Variants in USP8 observed in about 807,000 individuals in gnomAD.
USP8 encodes the protein ubiquitin specific peptidase 8.
A neutral mutation model predicts 130.0 loss-of-function variants in USP8; 27 were observed. The observed-to-expected ratio is 0.21, with a 90% CI of 0.15 to 0.29. The LOEUF (loss-of-function observed/expected upper bound fraction) is 0.29, where lower values mean the gene tolerates loss of function less well. Ranked by LOEUF, USP8 falls within the 10% of genes least tolerant of loss-of-function variation. The pLI is 1.00. For missense variants in USP8, 1,029 were observed against 1,312.2 expected, an observed-to-expected ratio of 0.78 and a Z score of 3.33; for synonymous variants, 392 against 444.1, an observed-to-expected ratio of 0.88 and a Z score of 1.48.
At chr15:50,442,436 A>G (rs916916803) in intron 3 of USP8, among the ~76,000 whole-genome samples, 5 of 152,276 alleles carry the variant, frequency 3.3e-5, no homozygotes, top group East Asian at 1.9e-4. Context: ...ATGTATTTCA[A>G]TTGTATTAGA....
At chr15:50,461,887 A>G (rs1013228824) in intron 5 of USP8, among the ~76,000 whole-genome samples, 9 of 152,164 alleles carry the variant, frequency 5.9e-5, no homozygotes, top group Middle Eastern at 3.4e-3. Context: ...CATAAGCAAT[A>G]CTTTGTATTA....
At chr15:50,438,448 T>G (rs1390191667) in intron 1 of USP8, among the ~76,000 whole-genome samples, 2 of 152,170 alleles carry the variant, frequency 1.3e-5, no homozygotes, top group East Asian at 1.9e-4. Context: ...GCTGGGGGCA[T>G]GGTGGCGAAC....
chr15:50,508,395 C>T lies in USP8; in HGVS notation c.*9307C>T, dbSNP rs2052692713. On this transcript the variant is annotated 3_prime_UTR_variant, in exon 20 of 20. Transcript: ENST00000307179. ...TATTCAAATATCTTGCTTCAGCAAG[C>T]TAGTTGATGGATGCATGGCGGTTTG... The T allele has an allele frequency of 6.6e-6, 1 of 152,042 alleles. No individual in the cohort carries two copies. 9.4% of individuals were successfully genotyped at this position (152,042 alleles called of 1,614,324 possible).
chr15:50,434,275 G>C (rs1390877604), intron 1 of USP8, among the ~76,000 whole-genome samples: 4 of 151,636 alleles, frequency 2.6e-5, no homozygotes, highest in Non-Finnish European at 5.9e-5. Context: ...GCTAATTTTT[G>C]TATTTTTAGT....
intron 8 of USP8, among the ~76,000 whole-genome samples, chr15:50,476,206 G>A (rs1595959001): frequency 1.3e-5 from 2 of 152,136 alleles, no homozygotes; most frequent in South Asian, 4.1e-4. Flanking sequence ...GAGCCAGGTC[G>A]ATCACTTAAG....
intron 8 of USP8, among the ~76,000 whole-genome samples, chr15:50,472,834 C>G (rs1471063681): frequency 6.6e-6 from 1 of 152,010 alleles, no homozygotes; most frequent in Non-Finnish European, 1.5e-5. Flanking sequence ...CGATTGAACC[C>G]GGGAGGTGGA....
chr15:50,448,413 G>T (rs2050508725), intron 3 of USP8, among the ~76,000 whole-genome samples: 1 of 151,998 alleles, frequency 6.6e-6, no homozygotes, highest in Non-Finnish European at 1.5e-5. Context: ...TGTATCTAAT[G>T]ATTGACCTCT....
intron 7 of USP8, among the ~76,000 whole-genome samples, chr15:50,467,844 A>G (rs1208789583): frequency 6.6e-6 from 1 of 151,968 alleles, no homozygotes; most frequent in Non-Finnish European, 1.5e-5. Flanking sequence ...GATGTGAGCC[A>G]TTGCACCCGG....
intron 2 of USP8, among the ~76,000 whole-genome samples, chr15:50,439,916 C>T (rs1035833448): frequency 3.3e-5 from 5 of 151,792 alleles, no homozygotes; most frequent in South Asian, 4.1e-4. Flanking sequence ...GGTGAAACCC[C>T]GTCTCTACTA....
chr15:50,487,702 C>G lies in USP8; in HGVS notation c.1891-2099C>G, dbSNP rs115059532. Among the ~76,000 whole-genome samples the G allele has an allele frequency of 8.4e-3, 1,279 of 152,310 alleles. 22 individuals are homozygous for G. Among genetic ancestry groups the G allele is most frequent in the African/African-American group, 0.029 (1,213 of 41,564 alleles). On this transcript the variant is annotated intron_variant, in intron 12 of 19. Transcript: ENST00000307179. ...TAAATCTCATACTGTATGATCCACTCTACACTCATTCTGTGTAAAATGCCA... is the reference window on the plus strand; with the variant it reads ...TAAATCTCATACTGTATGATCCACTGTACACTCATTCTGTGTAAAATGCCA...
At chr15:50,494,026 T>A in intron 15 of USP8, 44 bp from the exon 16 acceptor site, 1 of 1,589,790 alleles carries the variant, frequency 6.3e-7, no homozygotes, top group Non-Finnish European at 8.6e-7. Context: ...GCTTAACTTT[T>A]AAATTTCCTT....
chr15:50,476,878 G>A lies in USP8; in HGVS notation c.879G>A (p.Glu293=). 6.3e-7 allele frequency: 1 copy of A among 1,595,734 alleles called. No individual in the cohort carries two copies. The highest frequency in any genetic ancestry group is 1.2e-5 in the South Asian group (1 of 86,458). ...KWESKTVLRN[E]PLVLEGGYEN... ...AAAGTAAAACTGTCCTGCGCAATGAGCCTTTGGTTTTAGAGGGAGGCTATG... is the reference window on the plus strand; with the variant it reads ...AAAGTAAAACTGTCCTGCGCAATGAACCTTTGGTTTTAGAGGGAGGCTATG... Residue 293 remains glutamate, a synonymous_variant, in exon 9 of 20, where the codon GAG becomes GAA. Coordinates refer to ENST00000307179, the MANE Select transcript of USP8 (RefSeq NM_005154.5).
At chr15:50,489,705 G>T (rs2052089217) in intron 12 of USP8, 96 bp from the exon 13 acceptor site, 1 of 795,176 alleles carries the variant, frequency 1.3e-6, no homozygotes. Context: ...TGATTCTTTG[G>T]TACAAGTAGC....
chr15:50,425,220 C>T (rs1028908014), intron 1 of USP8, among the ~76,000 whole-genome samples: 1 of 152,180 alleles, frequency 6.6e-6, no homozygotes, highest in Non-Finnish European at 1.5e-5. Context: ...GGAGGTGTTG[C>T]AGAGCCTAAG....
intron 14 of USP8, among the ~76,000 whole-genome samples, chr15:50,491,368 C>G (rs2052155778): frequency 6.6e-6 from 1 of 152,158 alleles, no homozygotes; most frequent in African/African-American, 2.4e-5. Flanking sequence ...CTGCCAGGTG[C>G]AGACTTATTC....
chr15:50,499,030 C>T lies in USP8; in HGVS notation c.3299C>T (p.Ala1100Val). The part of the protein sequence containing the change: ...DISVSSVKSS[A>V]AYILFYTSLG... The stretch of plus-strand genomic sequence containing the variant: ...TCCGTTTCTTCTGTGAAATCTTCAG[C>T]AGCTTATATCCTCTTTTATACTTCA... The change falls in exon 20 of 20, where the codon GCA becomes GTA. Residue 1100 changes from alanine to valine, a missense_variant. Around this residue, in one of 4 missense-constraint regions of USP8, gnomAD observed 257 missense variants for 429.8 expected, o/e 0.60. Transcript: ENST00000307179. The T allele has an allele frequency of 6.2e-7, 1 of 1,613,894 alleles. No homozygotes were observed. The highest frequency in any genetic ancestry group is 8.5e-7 in the Non-Finnish European group (1 of 1,179,876).
At position 50,481,519 on chromosome 15, in the gene USP8, A is replaced by G. The variant is rs2051766992; in HGVS notation, c.1257A>G (p.Glu419=). ...RTKKPAVKLP[E]EHRIKSESTN... ...AAAAACCAGCAGTCAAATTGCCTGA[A>G]GAGCATAGAATAAAATCTGAAAGTA... Residue 419 remains glutamate (E), a synonymous_variant, in exon 11 of 20, where the codon GAA becomes GAG. Coordinates refer to ENST00000307179, the MANE Select transcript of USP8 (RefSeq NM_005154.5). 4.4e-6 allele frequency: 7 copies of G among 1,604,310 alleles called. No homozygotes were observed. Among genetic ancestry groups the G allele is most frequent in the Non-Finnish European group, 5.9e-6 (7 of 1,177,368 alleles).
chr15:50,489,077 G>A (rs1161211687), intron 12 of USP8, among the ~76,000 whole-genome samples: 1 of 152,030 alleles, frequency 6.6e-6, no homozygotes, highest in East Asian at 1.9e-4. Context: ...TTCATCAGGC[G>A]TTTTTGTTTT....
intron 1 of USP8, among the ~76,000 whole-genome samples, chr15:50,438,032 T>A (rs890450083): frequency 2.6e-5 from 4 of 152,104 alleles, no homozygotes; most frequent in Non-Finnish European, 4.4e-5. Context: ...ACAAAATGGT[T>A]TGGTGACTAA....
Sources: allele counts gnomAD v4.1 joint callset (sites outside exome capture counted in the v4.1 genomes callset), GRCh38; gene constraint gnomAD v4.1.1; regional missense constraint gnomAD v4.1.1; transcripts MANE v1.5; gene names NCBI Gene and HGNC (gene_info 2026-07-23, HGNC 2026-07-21).